Variants in RNLS observed in about 807,000 individuals in gnomAD.
RNLS encodes renalase.
A neutral mutation model predicts 39.8 loss-of-function variants in RNLS; 39 were observed. The ratio of observed to expected loss-of-function variants is 0.98; its 90% CI spans 0.76 to 1.28. The LOEUF is 1.28. Among genes scored for constraint, RNLS ranks in the 50% most tolerant of loss-of-function variants. The pLI, the probability that RNLS is intolerant of heterozygous loss-of-function variation, is 0.00. For missense variants in RNLS, 410 were observed against 413.3 expected (o/e 0.99, Z 0.07); for synonymous variants, 147 against 150.7 (o/e 0.98, Z 0.18).
At chr10:88,194,834 G>A in the RNLS span, among the ~76,000 whole-genome samples, 1 of 152,148 alleles carries the variant, frequency 6.6e-6, no homozygotes. Context: ...TGTTTATTTT[G>A]AAATAACCAG....
chr10:88,290,385 A>G (rs1305807011), intron 6 of RNLS, among the ~76,000 whole-genome samples: 2 of 152,208 alleles, frequency 1.3e-5, no homozygotes, highest in African/African-American at 2.4e-5. Context: ...GGTTTTATAA[A>G]TTCTAATTCT....
chr10:88,328,123 G>T (rs1288715483), intron 5 of RNLS, among the ~76,000 whole-genome samples: 3 of 152,170 alleles, frequency 2.0e-5, no homozygotes, highest in African/African-American at 7.2e-5. Context: ...GGCCAGGCTG[G>T]TCTCAAATTC....
intron 4 of RNLS, among the ~76,000 whole-genome samples, chr10:88,538,386 T>C (rs1847880622): frequency 6.6e-6 from 1 of 152,164 alleles, no homozygotes; most frequent in Non-Finnish European, 1.5e-5. Flanking sequence ...CTTCAAAAAA[T>C]ACAACAAACA....
At chr10:88,469,603 T>A (rs1461329060) in intron 4 of RNLS, among the ~76,000 whole-genome samples, 1 of 152,204 alleles carries the variant, frequency 6.6e-6, no homozygotes, top group Non-Finnish European at 1.5e-5. Flanking sequence ...TTCTTTGATA[T>A]ACATATTAGC....
chr10:88,179,824 T>C, the RNLS span, among the ~76,000 whole-genome samples: 3 of 152,238 alleles, frequency 2.0e-5, no homozygotes, highest in Admixed American at 2.0e-4. Flanking sequence ...CTATGTCTTT[T>C]AATTATTAAA....
chr10:88,379,250 C>G (rs1282143186), intron 4 of RNLS, among the ~76,000 whole-genome samples: 1 of 152,130 alleles, frequency 6.6e-6, no homozygotes, highest in Non-Finnish European at 1.5e-5. Flanking sequence ...CAGGGAATTT[C>G]TTTGCTTTGG....
chr10:88,432,801 A>G (rs1355491746), intron 4 of RNLS, among the ~76,000 whole-genome samples: 4 of 152,054 alleles, frequency 2.6e-5, no homozygotes, highest in Admixed American at 6.6e-5. Context: ...TCAAGATGAA[A>G]TGAATGCTGG....
intron 4 of RNLS, among the ~76,000 whole-genome samples, chr10:88,476,276 T>C (rs1018343907): frequency 1.3e-5 from 2 of 152,174 alleles, no homozygotes; most frequent in Non-Finnish European, 2.9e-5. Context: ...TTCTAATGCA[T>C]TGATGACTTA....
At chr10:88,215,539 A>G in the RNLS span, among the ~76,000 whole-genome samples, 1 of 152,070 alleles carries the variant, frequency 6.6e-6, no homozygotes, top group Admixed American at 6.6e-5. Flanking sequence ...AACTCTGGAG[A>G]GGGGCTTCGC....
chr10:88,535,163 T>C (rs1178697136), intron 4 of RNLS, among the ~76,000 whole-genome samples: 2 of 152,156 alleles, frequency 1.3e-5, no homozygotes, highest in African/African-American at 4.8e-5. Flanking sequence ...TTTCACATAG[T>C]TCTCAATAAA....
chr10:88,493,947 A>G (rs150682891), intron 4 of RNLS, among the ~76,000 whole-genome samples: 1 of 152,302 alleles, frequency 6.6e-6, no homozygotes, highest in African/African-American at 2.4e-5. Flanking sequence ...TCAAACGATG[A>G]TGTCTTAAAT....
At chr10:88,226,633 A>G in the RNLS span, among the ~76,000 whole-genome samples, 1 of 152,000 alleles carries the variant, frequency 6.6e-6, no homozygotes, top group Non-Finnish European at 1.5e-5. Context: ...TGGGTAAATC[A>G]GTTTCTAAAG....
At chr10:88,357,228 A>G (rs1168154865) in intron 5 of RNLS, among the ~76,000 whole-genome samples, 2 of 152,208 alleles carry the variant, frequency 1.3e-5, no homozygotes, top group African/African-American at 4.8e-5. Context: ...TATTTTACTT[A>G]TCTTATTGAG....
chr10:88,403,798 G>A (rs1853087282), intron 4 of RNLS, among the ~76,000 whole-genome samples: 1 of 151,828 alleles, frequency 6.6e-6, no homozygotes, highest in African/African-American at 2.4e-5. Context: ...GCTTTGCAAG[G>A]CCGATGCAGG....
chr10:88,185,884 G>A, the RNLS span, among the ~76,000 whole-genome samples: 1 of 152,096 alleles, frequency 6.6e-6, no homozygotes, highest in African/African-American at 2.4e-5. Flanking sequence ...ATTGGCCAAA[G>A]CACCTCCTAG....
chr10:88,241,532 A>T, the RNLS span, among the ~76,000 whole-genome samples: 1 of 152,128 alleles, frequency 6.6e-6, no homozygotes, highest in Non-Finnish European at 1.5e-5. Context: ...TCTGCCTCTT[A>T]AAAAAATCAG....
At chr10:88,411,307 C>T (rs949808302) in intron 4 of RNLS, among the ~76,000 whole-genome samples, 1 of 152,062 alleles carries the variant, frequency 6.6e-6, no homozygotes, top group African/African-American at 2.4e-5. Flanking sequence ...TGTTCTAGAA[C>T]TTAAATATGC....
intron 6 of RNLS, among the ~76,000 whole-genome samples, chr10:88,275,299 T>C (rs530457791): frequency 6.6e-6 from 1 of 152,328 alleles, no homozygotes; most frequent in Non-Finnish European, 1.5e-5. Context: ...ATACTCTTCA[T>C]AATTGTTATC....
Position 88,583,279 on chromosome 10 carries a change from C to G in RNLS, c.-89G>C, listed in dbSNP as rs369796318. 1 of 1,562,286 alleles carries G rather than the reference C, an allele frequency of 6.4e-7. No individual in the cohort carries two copies. The highest frequency in any genetic ancestry group is 1.8e-5 in the Admixed American group (1 of 55,978). On this transcript the variant is annotated 5_prime_UTR_variant, in exon 1 of 7. Transcript: ENST00000331772. The stretch of plus-strand genomic sequence containing the variant: ...GGAAAGGCGGCCGAACCGGCGCTAG[C>G]GCTCTTTGGTTCCGTGCTCCCTGGG...
Sources: allele counts gnomAD v4.1 joint callset (sites outside exome capture counted in the v4.1 genomes callset), GRCh38; gene constraint gnomAD v4.1.1; transcripts MANE v1.5; gene names NCBI Gene and HGNC (gene_info 2026-07-23, HGNC 2026-07-21).